The following CELF4 variants were observed in gnomAD, a reference collection of about 807,000 sequenced individuals.
The protein encoded by CELF4 is CUGBP Elav-like family member 4.
A neutral mutation model predicts 59.9 loss-of-function variants in CELF4; 18 were observed. The observed-to-expected ratio is 0.30, with a 90% CI of 0.21 to 0.45. The LOEUF is 0.45. Among genes scored for constraint, CELF4 ranks in the 20% least tolerant of loss-of-function variants. CELF4 has a pLI of 1.00. For synonymous variants in CELF4, 261 were observed against 267.1 expected (o/e 0.98, Z 0.22); for missense variants, 456 against 689.0 (o/e 0.66, Z 3.79).
intron 1 of CELF4, among the ~76,000 whole-genome samples, chr18:37,562,473 T>C (rs1456357572): frequency 6.6e-6 from 1 of 152,094 alleles, no homozygotes; most frequent in African/African-American, 2.4e-5. Context: ...CATTAGAAGT[T>C]AGAAATTAAG....
intron 2 of CELF4, among the ~76,000 whole-genome samples, chr18:37,396,655 A>G (rs547693886): frequency 7.2e-5 from 11 of 152,310 alleles, no homozygotes; most frequent in East Asian, 5.8e-4. Context: ...CAGTGTCCTT[A>G]TAAGAGACAG....
At chr18:37,251,130 C>T (rs573365271) in intron 12 of CELF4, among the ~76,000 whole-genome samples, 1 of 152,202 alleles carries the variant, frequency 6.6e-6, no homozygotes, top group South Asian at 2.1e-4. Flanking sequence ...TCTCTCTGTG[C>T]CCCATCTGTG....
chr18:37,416,312 C>T (rs996955007), intron 2 of CELF4, among the ~76,000 whole-genome samples: 1 of 152,186 alleles, frequency 6.6e-6, no homozygotes, highest in African/African-American at 2.4e-5. Context: ...CTGTAATCCT[C>T]CCTTCTTTGA....
intron 3 of CELF4, among the ~76,000 whole-genome samples, chr18:37,295,614 G>T (rs2095591906): frequency 1.3e-5 from 2 of 152,158 alleles, no homozygotes; most frequent in Admixed American, 6.5e-5. Flanking sequence ...TAATATTATT[G>T]TTATTGCTAC....
rs148099749 is a variant in CELF4 at position 37,342,770 on chromosome 18, A to G, written c.370-20889T>C. Among the ~76,000 whole-genome samples, 803 of 152,374 alleles carry G rather than the reference A, an allele frequency of 5.3e-3. 8 individuals carry two copies. The highest frequency in any genetic ancestry group is 0.018 in the African/African-American group (755 of 41,590). On this transcript the variant is annotated intron_variant, in intron 2 of 12. Coordinates refer to ENST00000420428, the MANE Select transcript of CELF4 (RefSeq NM_020180.4). ...CCATATTGAGCTAATGTAGATAAAGATGTGTTGTGAGCTACATGGGACAAA... is the reference window on the plus strand; with the variant it reads ...CCATATTGAGCTAATGTAGATAAAGGTGTGTTGTGAGCTACATGGGACAAA...
rs777330008 is a variant in CELF4 at position 37,274,826 on chromosome 18, T to C, written c.636A>G (p.Leu212=). The C allele has an allele frequency of 3.1e-6, 5 of 1,606,170 alleles. No individual in the cohort carries two copies. The South Asian group carries it at 4.4e-5, about 14-fold the overall frequency. Reference sequence around the variant, plus strand: ...TCACCGGCATGGTCTGGCTGCCGTGTAGCGCGTTGATGGCGGCCTGCGCCT... The same window carrying C: ...TCACCGGCATGGTCTGGCTGCCGTGCAGCGCGTTGATGGCGGCCTGCGCCT... The part of the protein sequence containing the change: ...HAEAQAAINA[L]HGSQTMPGAS... The change falls in exon 5 of 13, where the codon CTA becomes CTG. Residue 212 remains leucine, a synonymous_variant. Transcript: ENST00000420428.
intron 2 of CELF4, among the ~76,000 whole-genome samples, chr18:37,421,865 A>G (rs1321202578): frequency 6.6e-6 from 1 of 152,254 alleles, no homozygotes; most frequent in African/African-American, 2.4e-5. Flanking sequence ...ATGGATTAGC[A>G]TGGCCTGATT....
At chr18:37,351,741 G>A (rs2098446551) in intron 2 of CELF4, among the ~76,000 whole-genome samples, 1 of 151,658 alleles carries the variant, frequency 6.6e-6, no homozygotes, top group Admixed American at 6.6e-5. Context: ...CTCTTGAGTA[G>A]CTGGGACCAC....
At chr18:37,338,416 C>CCACTAT (rs2097856199) in intron 2 of CELF4, among the ~76,000 whole-genome samples, 1 of 146,224 alleles carries the variant, frequency 6.8e-6, no homozygotes, top group African/African-American at 2.8e-5. Flanking sequence ...ATCATTGTCA[C>CCACTAT]CATTATCAGC....
chr18:37,518,806 G>A (rs140738701), intron 1 of CELF4, among the ~76,000 whole-genome samples: 1 of 152,242 alleles, frequency 6.6e-6, no homozygotes, highest in Non-Finnish European at 1.5e-5. Context: ...GCCCAGTGTG[G>A]TTCCTTACAG....
chr18:37,388,771 A>G (rs781367649), intron 2 of CELF4, among the ~76,000 whole-genome samples: 6 of 152,132 alleles, frequency 3.9e-5, no homozygotes, highest in South Asian at 2.1e-4. Flanking sequence ...ATGCCTCCCG[A>G]GCATGCCCTT....
At chr18:37,312,731 G>A (rs1262103366) in intron 3 of CELF4, among the ~76,000 whole-genome samples, 1 of 152,128 alleles carries the variant, frequency 6.6e-6, no homozygotes, top group East Asian at 1.9e-4. Context: ...TAGGGGTAGG[G>A]TAGACACAAG....
At chr18:37,334,782 GA>G (rs2097703052) in intron 2 of CELF4, among the ~76,000 whole-genome samples, 1 of 151,940 alleles carries the variant, frequency 6.6e-6, no homozygotes, top group Admixed American at 6.6e-5. Flanking sequence ...CTTAGGCCTG[GA>G]GAGAGCAGGA....
In CELF4 at chr18:37,401,432, C is replaced by T. The variant is rs535427567; in HGVS notation, c.370-79551G>A. Among the ~76,000 whole-genome samples, 328 of 152,314 alleles carry T rather than the reference C, an allele frequency of 2.2e-3. 1 individual carries two copies. Among genetic ancestry groups the T allele is most frequent in the Non-Finnish European group, 3.2e-3 (217 of 68,046 alleles). On this transcript the variant is annotated intron_variant, in intron 2 of 12. Coordinates refer to ENST00000420428, the MANE Select transcript of CELF4 (RefSeq NM_020180.4). Reference sequence around the variant, plus strand: ...GAGCTCTGCATTTGTGGGGCAAGGACTCAGGAAAGTGCCTTTCAGAGTGTG... The same window carrying T: ...GAGCTCTGCATTTGTGGGGCAAGGATTCAGGAAAGTGCCTTTCAGAGTGTG...
In CELF4 at chr18:37,536,073, T is replaced by C. The variant is rs571755471; in HGVS notation, c.286+29283A>G. Among the ~76,000 whole-genome samples the C allele has an allele frequency of 1.1e-3, 161 of 152,266 alleles. 1 individual carries two copies. The highest frequency in any genetic ancestry group is 3.8e-3 in the African/African-American group (156 of 41,544). On this transcript the variant is annotated intron_variant, in intron 1 of 12. Coordinates refer to ENST00000420428, the MANE Select transcript of CELF4 (RefSeq NM_020180.4). ...GTTGCATCCTGGGTGTCATCAATGC[T>C]CCTCTGGAACCACTTGCATTGTGGT...
chr18:37,478,484 G>A (rs886487825), intron 2 of CELF4, among the ~76,000 whole-genome samples: 2 of 152,220 alleles, frequency 1.3e-5, no homozygotes, highest in African/African-American at 4.8e-5. Flanking sequence ...GGGGGCCACT[G>A]AGAAGATGAG....
chr18:37,362,646 C>T (rs1405311881), intron 2 of CELF4, among the ~76,000 whole-genome samples: 4 of 148,300 alleles, frequency 2.7e-5, no homozygotes, highest in Non-Finnish European at 5.9e-5. Context: ...TACCCTAGCT[C>T]GAACAGGCCA....
intron 2 of CELF4, among the ~76,000 whole-genome samples, chr18:37,449,279 G>T (rs1021857506): frequency 3.3e-5 from 5 of 152,156 alleles, no homozygotes; most frequent in African/African-American, 1.2e-4. Context: ...GGGAAGCATG[G>T]GTTGCCTTTG....
chr18:37,253,620 C>T lies in CELF4; in HGVS notation c.*44+147G>A. 5.3e-6 allele frequency: 3 copies of T among 565,230 alleles called. No homozygotes were observed. Among genetic ancestry groups the T allele is most frequent in the Non-Finnish European group, 8.6e-6 (3 of 347,180 alleles). 35.0% of individuals were successfully genotyped at this position (565,230 alleles called of 1,614,324 possible). On this transcript the variant is annotated intron_variant, in intron 12 of 12. Coordinates refer to ENST00000420428, the MANE Select transcript of CELF4 (RefSeq NM_020180.4). The surrounding 1 kb of genome is among the most constrained non-coding windows in gnomAD (Gnocchi z 4.5). ...GGTGACGGCAGCTCTGCGCCTGGCC[C>T]GAGGAGCAGGGCGAGGAGCAGGTTG...
Sources: allele counts gnomAD v4.1 joint callset (sites outside exome capture counted in the v4.1 genomes callset), GRCh38; gene constraint gnomAD v4.1.1; non-coding constraint Gnocchi (gnomAD v3.1); transcripts MANE v1.5; gene names NCBI Gene and HGNC (gene_info 2026-07-23, HGNC 2026-07-21).